Variants in PLCZ1 observed in about 807,000 individuals in gnomAD.
PLCZ1 encodes the protein 1-phosphatidylinositol 4,5-bisphosphate phosphodiesterase zeta-1.
A neutral mutation model predicts 76.8 loss-of-function variants in PLCZ1; 64 were observed. The observed-to-expected ratio is 0.83, with a 90% CI of 0.68 to 1.03. PLCZ1 has a LOEUF of 1.03. PLCZ1 is among the 50% of genes least tolerant of loss of function. The probability of loss-of-function intolerance (pLI) is 0.00; values close to 1 mark genes in which losing one functional copy is unlikely to be tolerated. For missense variants in PLCZ1, 751 were observed against 713.7 expected, an observed-to-expected ratio of 1.05 and a Z score of -0.60; for synonymous variants, 248 against 230.8, an observed-to-expected ratio of 1.07 and a Z score of -0.68.
At chr12:18,715,913 T>C (rs540919250) in intron 5 of PLCZ1, 1 of 152,204 alleles carries the variant, frequency 6.6e-6, no homozygotes, top group Non-Finnish European at 1.5e-5. Flanking sequence ...TAATTGTCTT[T>C]GTATTGGAGA....
intron 9 of PLCZ1, among the ~76,000 whole-genome samples, chr12:18,700,860 T>G (rs1367386634): frequency 2.6e-5 from 4 of 152,218 alleles, no homozygotes; most frequent in Non-Finnish European, 5.9e-5. Flanking sequence ...TATGTATTAT[T>G]AATATTGAAT....
chr12:18,720,059 T>G (rs1958351221), intron 4 of PLCZ1, among the ~76,000 whole-genome samples: 1 of 152,118 alleles, frequency 6.6e-6, no homozygotes, highest in South Asian at 2.1e-4. Flanking sequence ...TCGAAAAGCA[T>G]AGATTAGTTT....
the PLCZ1 span, among the ~76,000 whole-genome samples, chr12:18,653,723 A>T: frequency 6.6e-6 from 1 of 152,202 alleles, no homozygotes; most frequent in Non-Finnish European, 1.5e-5. Context: ...TTAATAATTA[A>T]AGGAAAGACA....
intron 11 of PLCZ1, among the ~76,000 whole-genome samples, chr12:18,695,287 G>A (rs772635323): frequency 1.3e-5 from 2 of 152,104 alleles, no homozygotes; most frequent in Non-Finnish European, 2.9e-5. Flanking sequence ...AGTTTAATCT[G>A]TAAGTAAATT....
chr12:18,720,683 C>T (rs551044550), intron 4 of PLCZ1, among the ~76,000 whole-genome samples: 1 of 152,030 alleles, frequency 6.6e-6, no homozygotes, highest in Admixed American at 6.6e-5. Context: ...TGAGCATTCA[C>T]TTGATTAGAG....
intron 12 of PLCZ1, among the ~76,000 whole-genome samples, chr12:18,692,248 G>A (rs529896518): frequency 6.6e-6 from 1 of 152,170 alleles, no homozygotes; most frequent in South Asian, 2.1e-4. Flanking sequence ...ACAGTTCTAG[G>A]AGTAACTAGT....
intron 7 of PLCZ1, 64 bp from the exon 8 acceptor site, chr12:18,701,840 C>T (rs942678749): frequency 6.5e-7 from 1 of 1,540,868 alleles, no homozygotes; most frequent in East Asian, 2.4e-5. Context: ...GTAACAGTCA[C>T]TGAAAAGTGT....
chr12:18,696,659 C>G (rs4303282), intron 10 of PLCZ1, among the ~76,000 whole-genome samples: 72,624 of 151,602 alleles, frequency 0.48, 18,605 homozygotes, highest in African/African-American at 0.66. Flanking sequence ...TATTTTTCCA[C>G]TTTGATTTTC....
chr12:18,688,004 G>C, intron 13 of PLCZ1, 85 bp downstream of exon 13: 1 of 1,542,684 alleles, frequency 6.5e-7, no homozygotes, highest in Non-Finnish European at 8.8e-7. Context: ...TAATAAATAT[G>C]TACAAAAACT....
chr12:18,661,648 C>T, the PLCZ1 span, among the ~76,000 whole-genome samples: 7 of 152,132 alleles, frequency 4.6e-5, no homozygotes, highest in East Asian at 1.4e-3. Flanking sequence ...CAAAAAATAA[C>T]ATGCTGGTGA....
At chr12:18,663,756 T>A in the PLCZ1 span, among the ~76,000 whole-genome samples, 1 of 151,944 alleles carries the variant, frequency 6.6e-6, no homozygotes, top group East Asian at 1.9e-4. Context: ...TTGAACTTCA[T>A]GAAAATTGAA....
the PLCZ1 span, among the ~76,000 whole-genome samples, chr12:18,649,314 T>C: frequency 0.17 from 25,583 of 152,028 alleles, 2,695 homozygotes; most frequent in African/African-American, 0.29. Flanking sequence ...CTCTGCTTAT[T>C]ACCAGAGAAG....
chr12:18,704,667 G>A (rs1956374948), intron 7 of PLCZ1, among the ~76,000 whole-genome samples: 1 of 152,080 alleles, frequency 6.6e-6, no homozygotes, highest in Admixed American at 6.6e-5. Context: ...AGAGAGAAGT[G>A]AAGTCCTGAT....
intron 6 of PLCZ1, 77 bp downstream of exon 6, chr12:18,712,765 A>G (rs1248346267): frequency 2.0e-6 from 3 of 1,521,216 alleles, no homozygotes; most frequent in Non-Finnish European, 1.8e-6. Flanking sequence ...AAGGCTAAGC[A>G]TTATAGGATT....
At chr12:18,697,292 T>C (rs1416855445) in intron 10 of PLCZ1, among the ~76,000 whole-genome samples, 4 of 152,168 alleles carry the variant, frequency 2.6e-5, no homozygotes, top group African/African-American at 9.6e-5. Context: ...TTACAGTTAA[T>C]TTTATCAATA....
chr12:18,715,520 GC>G (rs1487318214), intron 5 of PLCZ1, among the ~76,000 whole-genome samples: 1 of 151,802 alleles, frequency 6.6e-6, no homozygotes, highest in Non-Finnish European at 1.5e-5. Context: ...TCCTGCCTCA[GC>G]CCCCTGAGTA....
intron 6 of PLCZ1, among the ~76,000 whole-genome samples, chr12:18,711,205 T>TA (rs1274617325): frequency 1.3e-5 from 2 of 151,328 alleles, no homozygotes; most frequent in African/African-American, 2.4e-5. Context: ...TATGCAACCA[T>TA]AAAAAATGAA....
At chr12:18,711,441 G>C (rs1410704983) in intron 6 of PLCZ1, among the ~76,000 whole-genome samples, 1 of 148,722 alleles carries the variant, frequency 6.7e-6, no homozygotes, top group Non-Finnish European at 1.5e-5. Context: ...GCTAAATGAC[G>C]AGTTAGTGGG....
the PLCZ1 span, among the ~76,000 whole-genome samples, chr12:18,671,440 C>T: frequency 1.1e-4 from 16 of 152,042 alleles, no homozygotes; most frequent in Admixed American, 6.6e-4. Flanking sequence ...TGTGTGACTG[C>T]GTCAGCATAA....
Sources: allele counts gnomAD v4.1 joint callset (sites outside exome capture counted in the v4.1 genomes callset), GRCh38; gene constraint gnomAD v4.1.1; transcripts MANE v1.5; gene names NCBI Gene and HGNC (gene_info 2026-07-23, HGNC 2026-07-21).